Variants in KLF7 observed in about 807,000 individuals in gnomAD.
KLF7 encodes the protein KLF transcription factor 7, also known as Krueppel-like factor 7.
Under a neutral mutation model 27.3 loss-of-function variants are expected in KLF7, and 2 were observed. The ratio of observed to expected loss-of-function variants is 0.07; its 90% CI spans 0.03 to 0.23. The LOEUF (loss-of-function observed/expected upper bound fraction) is 0.23. Among genes scored for constraint, KLF7 ranks in the 10% least tolerant of loss-of-function variants. KLF7 has a pLI of 1.00. For missense variants in KLF7, 221 were observed against 394.1 expected (o/e 0.56, Z 3.72); for synonymous variants, 165 against 162.4 (o/e 1.02, Z -0.12).
At chr2:207,104,278 T>C (rs1021118901) in intron 2 of KLF7, among the ~76,000 whole-genome samples, 2 of 152,212 alleles carry the variant, frequency 1.3e-5, no homozygotes, top group Non-Finnish European at 1.5e-5. Flanking sequence ...GCAGAATCAA[T>C]CTCTGATGAA....
rs551614294 is a variant in KLF7 at position 207,119,072 on chromosome 2, C to T, written c.733+4702G>A. 7.4e-4 allele frequency among the ~76,000 whole-genome samples: 112 copies of T among 152,258 alleles called. 4 individuals are homozygous for T. In the South Asian group the frequency reaches 0.022, roughly 30 times the overall value. On this transcript the variant is annotated intron_variant, in intron 2 of 3. Transcript: ENST00000309446. Reference sequence around the variant, plus strand: ...CTGAAACGTATCCTGTTATATTGTTCGGGACAAAATCTAGAGAATGCTTAT... The same window carrying T: ...CTGAAACGTATCCTGTTATATTGTTTGGGACAAAATCTAGAGAATGCTTAT...
At chr2:207,157,070 C>A (rs578053639) in intron 1 of KLF7, among the ~76,000 whole-genome samples, 12 of 152,116 alleles carry the variant, frequency 7.9e-5, no homozygotes, top group Non-Finnish European at 1.5e-4. Flanking sequence ...ATAGTCATAA[C>A]ATGCTCCTCA....
intron 1 of KLF7, among the ~76,000 whole-genome samples, chr2:207,161,014 G>A (rs958702124): frequency 3.3e-5 from 5 of 152,108 alleles, no homozygotes; most frequent in Admixed American, 6.5e-5. Flanking sequence ...CCCCTACTAA[G>A]GACAGATGTA....
chr2:207,106,401 T>C (rs779671019), intron 2 of KLF7, among the ~76,000 whole-genome samples: 1 of 152,148 alleles, frequency 6.6e-6, no homozygotes, highest in Non-Finnish European at 1.5e-5. Flanking sequence ...GCAGCAGAGA[T>C]GGAGAAAAGC....
intron 1 of KLF7, among the ~76,000 whole-genome samples, chr2:207,131,805 G>A (rs2077644034): frequency 6.6e-6 from 1 of 152,200 alleles, no homozygotes; most frequent in Admixed American, 6.5e-5. Flanking sequence ...GTACATTTTT[G>A]ACAGGAGTTG....
chr2:207,155,350 T>C (rs2078354115), intron 1 of KLF7, among the ~76,000 whole-genome samples: 1 of 152,160 alleles, frequency 6.6e-6, no homozygotes, highest in African/African-American at 2.4e-5. Flanking sequence ...CCACCAATGG[T>C]TTTTTGCAAC....
At chr2:207,107,655 G>A (rs568541954) in intron 2 of KLF7, among the ~76,000 whole-genome samples, 48 of 152,298 alleles carry the variant, frequency 3.2e-4, no homozygotes, top group African/African-American at 1.0e-3. Flanking sequence ...GTGTGCAGCC[G>A]TCTTGCTTTG....
chr2:207,152,464 A>G (rs1328215088), intron 1 of KLF7, among the ~76,000 whole-genome samples: 2 of 152,234 alleles, frequency 1.3e-5, no homozygotes, highest in Non-Finnish European at 2.9e-5. Flanking sequence ...AAGAGGCTGC[A>G]TGCTCAGGAA....
chr2:207,121,192 T>C (rs927741261), intron 2 of KLF7, among the ~76,000 whole-genome samples: 8 of 152,200 alleles, frequency 5.3e-5, no homozygotes, highest in African/African-American at 1.7e-4. Context: ...CCTCCACAAC[T>C]TGTATCCACA....
At position 207,076,978 on chromosome 2, in the gene KLF7, T is replaced by A. The variant is rs1318113550; in HGVS notation, c.*4235A>T. ...TCTTAAGATTTCAAAAAAATTCTAA[T>A]AAACTAAAAAATGAACCTGATTTTT... On this transcript the variant is annotated 3_prime_UTR_variant, in exon 4 of 4. Transcript: ENST00000309446. The A allele has an allele frequency of 6.6e-6, 1 of 152,210 alleles. No individual in the cohort carries two copies. The highest frequency in any genetic ancestry group is 2.4e-5 in the African/African-American group (1 of 41,454). The allele number at this position is 152,210 out of a possible 1,614,324, so 9.4% of individuals were successfully genotyped here. A position where few individuals can be genotyped will look rare whatever the true frequency, so the allele number is the denominator to read the frequency against.
intron 2 of KLF7, among the ~76,000 whole-genome samples, chr2:207,121,294 G>T (rs2077334316): frequency 6.6e-6 from 1 of 152,190 alleles, no homozygotes; most frequent in Non-Finnish European, 1.5e-5. Context: ...TTGGCTAACT[G>T]GCTTGTTTCT....
intron 2 of KLF7, among the ~76,000 whole-genome samples, chr2:207,107,510 T>TG (rs1441691072): frequency 1.3e-5 from 2 of 152,190 alleles, no homozygotes; most frequent in Non-Finnish European, 2.9e-5. Context: ...CAAATATGAG[T>TG]GTGTGTAAAA....
intron 2 of KLF7, among the ~76,000 whole-genome samples, chr2:207,112,597 A>T (rs975449600): frequency 4.6e-5 from 7 of 152,212 alleles, no homozygotes; most frequent in Non-Finnish European, 7.3e-5. Context: ...TTCTCAATAA[A>T]ACAGCTCCTT....
intron 1 of KLF7, among the ~76,000 whole-genome samples, chr2:207,129,784 T>G (rs1305644993): frequency 6.6e-6 from 1 of 152,236 alleles, no homozygotes; most frequent in Non-Finnish European, 1.5e-5. Flanking sequence ...CAGTATGAAT[T>G]CATTTTTATT....
chr2:207,162,793 C>T (rs1398848204), intron 1 of KLF7, among the ~76,000 whole-genome samples: 1 of 152,174 alleles, frequency 6.6e-6, no homozygotes, highest in Non-Finnish European at 1.5e-5. Flanking sequence ...TCTCTAGAAA[C>T]CAAGTCAGAT....
At chr2:207,168,085 A>C (rs199542469), upstream of KLF7, among the ~76,000 whole-genome samples, 1 of 118,716 alleles carries the variant, frequency 8.4e-6, no homozygotes, top group Non-Finnish European at 1.9e-5. Flanking sequence ...ATTGAGAAAC[A>C]CTAGGGCAAA....
At chr2:207,129,022 GT>G (rs2077552998) in intron 1 of KLF7, among the ~76,000 whole-genome samples, 1 of 152,156 alleles carries the variant, frequency 6.6e-6, no homozygotes, top group African/African-American at 2.4e-5. Flanking sequence ...TTGAACTATG[GT>G]TGCGTAACAT....
upstream of KLF7, chr2:207,166,682 C>T (rs995157223): frequency 4.1e-6 from 2 of 489,950 alleles, no homozygotes; most frequent in Non-Finnish European, 5.3e-6. Flanking sequence ...GAAGGAAGGA[C>T]AGTGGCCACC....
chr2:207,150,099 C>G (rs2078201364), intron 1 of KLF7, among the ~76,000 whole-genome samples: 1 of 152,184 alleles, frequency 6.6e-6, no homozygotes, highest in African/African-American at 2.4e-5. Flanking sequence ...CTACCACCCT[C>G]CCCCACAACC....
Sources: gnomAD v4.1 joint callset for allele counts (sites outside exome capture counted in the v4.1 genomes callset) on GRCh38, gnomAD v4.1.1 for gene constraint, MANE v1.5 for transcripts, NCBI Gene and HGNC (gene_info 2026-07-23, HGNC 2026-07-21) for gene names.